Variants in DNAJC15 observed in about 807,000 individuals in gnomAD.
The protein encoded by DNAJC15 is DnaJ heat shock protein family (Hsp40) member C15, also known as dnaJ homolog subfamily C member 15.
DNAJC15 carries 27 observed loss-of-function variants against 22.4 expected under a neutral mutation model. The ratio of observed to expected loss-of-function variants is 1.20; its 90% confidence interval spans 0.89 to 1.66. The LOEUF (loss-of-function observed/expected upper bound fraction) is 1.66, where lower values mean the gene tolerates loss of function less well. Ranked by LOEUF, DNAJC15 falls within the 40% of genes most tolerant of loss-of-function variation. The probability of loss-of-function intolerance (pLI) is 0.00; values close to 1 mark genes in which losing one functional copy is unlikely to be tolerated. For synonymous variants in DNAJC15, 79 were observed against 63.2 expected (o/e 1.25, Z -1.19); for missense variants, 208 against 187.1 (o/e 1.11, Z -0.65).
At chr13:43,033,206 A>C (rs2040411889) in intron 1 of DNAJC15, among the ~76,000 whole-genome samples, 1 of 152,244 alleles carries the variant, frequency 6.6e-6, no homozygotes, top group Non-Finnish European at 1.5e-5. Context: ...GCTGAGGGAC[A>C]CAGATCTGAA....
At chr13:43,066,346 GCCTTCA>G (rs2040584019) in intron 2 of DNAJC15, among the ~76,000 whole-genome samples, 2 of 151,630 alleles carry the variant, frequency 1.3e-5, no homozygotes, top group Non-Finnish European at 2.9e-5. Flanking sequence ...TACAGAGTTT[GCCTTCA>G]TCCTTGGCTC....
At position 43,036,913 on chromosome 13, in the gene DNAJC15, G is replaced by A. The variant is rs367887632; in HGVS notation, c.108+13179G>A. Among the ~76,000 whole-genome samples, 80 of 152,366 alleles carry A rather than the reference G, an allele frequency of 5.3e-4. 1 individual carries two copies. In the South Asian group the frequency reaches 0.011, roughly 22 times the overall value. ...CACCCTGGAGTGGATGCCGTGAGTCGGGAGAGGCCAGGCAGTGGGAGCAGG... is the reference window on the plus strand; with the variant it reads ...CACCCTGGAGTGGATGCCGTGAGTCAGGAGAGGCCAGGCAGTGGGAGCAGG... On this transcript the variant is annotated intron_variant, in intron 1 of 5. Transcript: ENST00000379221.
rs9594889 is a variant in DNAJC15, at chr13:43,107,148, A to G, written c.383-30A>G. 2,066 of 1,529,582 alleles carry G rather than the reference A, an allele frequency of 1.4e-3. 16 individuals are homozygous for G. The African/African-American group carries it at 0.025, about 19-fold the overall frequency. 94.8% of individuals were successfully genotyped at this position (1,529,582 alleles called of 1,614,324 possible). On this transcript the variant is annotated intron_variant, in intron 5 of 5. Transcript: ENST00000379221. ...TTAAAGTATGTCAATGATGAAATGT[A>G]TTTTAATTCATTTTTCTTTGTTCTC...
chr13:43,105,073 A>G (rs1308633839), intron 5 of DNAJC15, among the ~76,000 whole-genome samples: 1 of 151,580 alleles, frequency 6.6e-6, no homozygotes, highest in Non-Finnish European at 1.5e-5. Flanking sequence ...ACTAGATATT[A>G]TAACCAGGAG....
Position 43,052,676 on chromosome 13 carries a change from C to G in DNAJC15, c.109-13010C>G, listed in dbSNP as rs369276016. Among the ~76,000 whole-genome samples, 5 of 152,234 alleles carry G rather than the reference C, an allele frequency of 3.3e-5. No homozygotes were observed. In the East Asian group the frequency reaches 9.7e-4, roughly 29 times the overall value. On this transcript the variant is annotated intron_variant, in intron 1 of 5. Coordinates refer to ENST00000379221, the MANE Select transcript of DNAJC15 (RefSeq NM_013238.3). ...AGGTGATCCACCTGCCTTGGCCTCC[C>G]AAAAGTGCTGGATTACAGGCATGAG...
intron 1 of DNAJC15, among the ~76,000 whole-genome samples, chr13:43,025,006 G>A (rs887602425): frequency 2.6e-5 from 4 of 151,688 alleles, no homozygotes; most frequent in Non-Finnish European, 4.4e-5. Flanking sequence ...GTTATAGTGA[G>A]CTATGATTTC....
Position 43,035,162 on chromosome 13 carries a change from T to A in DNAJC15, c.108+11428T>A, listed in dbSNP as rs183020372. On this transcript the variant is annotated intron_variant, in intron 1 of 5. Coordinates refer to ENST00000379221, the MANE Select transcript of DNAJC15 (RefSeq NM_013238.3). The stretch of plus-strand genomic sequence containing the variant: ...GAAGCTTCAGTAAAGCGCTTTTGTG[T>A]TTGTTTAGTTTGGGCTTTATTTTTG... Among the ~76,000 whole-genome samples the A allele has an allele frequency of 2.9e-4, 44 of 152,276 alleles. No homozygotes were observed. In the East Asian group the frequency reaches 6.9e-3, roughly 24 times the overall value.
intron 5 of DNAJC15, among the ~76,000 whole-genome samples, chr13:43,103,392 A>G (rs1476139404): frequency 3.3e-5 from 5 of 152,234 alleles, no homozygotes; most frequent in African/African-American, 1.2e-4. Flanking sequence ...ACAGGGGTAC[A>G]CTGTTATTTC....
chr13:43,097,382 A>G (rs1265043881), intron 5 of DNAJC15, among the ~76,000 whole-genome samples: 37 of 152,220 alleles, frequency 2.4e-4, no homozygotes, highest in Non-Finnish European at 5.9e-5. Flanking sequence ...GGAGAGTGGT[A>G]GGAAATACAA....
chr13:43,042,784 A>G (rs1240277619), intron 1 of DNAJC15, among the ~76,000 whole-genome samples: 6 of 152,236 alleles, frequency 3.9e-5, no homozygotes, highest in African/African-American at 1.4e-4. Context: ...ATTGGTCCAT[A>G]TAGATTGGCC....
chr13:43,070,843 T>C (rs1266917564), intron 3 of DNAJC15, among the ~76,000 whole-genome samples: 3 of 145,774 alleles, frequency 2.1e-5, no homozygotes, highest in African/African-American at 7.7e-5. Context: ...CAATGTGATT[T>C]GTATTTTAAG....
In DNAJC15 at chr13:43,112,356, C is replaced by CA. The variant is rs2040828820; in HGVS notation, c.*5110dup. On this transcript the variant is annotated 3_prime_UTR_variant, in exon 6 of 6. Coordinates refer to ENST00000379221, the MANE Select transcript of DNAJC15 (RefSeq NM_013238.3). Reference sequence around the variant, plus strand: ...TATTACATAGATGTAGAGAAATACTCAATCTTCAGCATTAAGAGGGAGCTT... The same window carrying CA: ...TATTACATAGATGTAGAGAAATACTCAAATCTTCAGCATTAAGAGGGAGCTT... 6.6e-6 allele frequency: 1 copy of CA among 152,148 alleles called. No individual in the cohort carries two copies. Among genetic ancestry groups the CA allele is most frequent in the South Asian group, 2.1e-4 (1 of 4,830 alleles). 9.4% of individuals were successfully genotyped at this position (152,148 alleles called of 1,614,324 possible). A position where few individuals can be genotyped will look rare whatever the true frequency, so the allele number is the denominator to read the frequency against.
At chr13:43,087,456 G>T (rs1454854807) in intron 5 of DNAJC15, among the ~76,000 whole-genome samples, 1 of 152,144 alleles carries the variant, frequency 6.6e-6, no homozygotes, top group Non-Finnish European at 1.5e-5. Context: ...GTTTTCAATG[G>T]GAAGCTAACA....
chr13:43,086,011 A>G lies in DNAJC15; in HGVS notation c.382+173A>G, dbSNP rs116995864. ...TTGGAGTTCAGTGATTCACACAAGT[A>G]GTGGATTTATATTATCTGCTTTCAA... is the stretch of plus-strand genomic sequence containing the variant. On this transcript the variant is annotated intron_variant, in intron 5 of 5. Transcript: ENST00000379221. Among the ~76,000 whole-genome samples, 605 of 152,332 alleles carry G rather than the reference A, an allele frequency of 4.0e-3. 20 individuals carry two copies. In the East Asian group the frequency reaches 0.043, roughly 11 times the overall value.
At chr13:43,078,776 C>G (rs1009602769) in intron 4 of DNAJC15, 88 bp downstream of exon 4, 1 of 1,166,338 alleles carries the variant, frequency 8.6e-7, no homozygotes, top group East Asian at 2.6e-5. Flanking sequence ...TATACTTAGA[C>G]TTAAAATTAT....
intron 1 of DNAJC15, among the ~76,000 whole-genome samples, chr13:43,041,577 T>C (rs539647473): frequency 6.6e-6 from 1 of 152,352 alleles, no homozygotes; most frequent in South Asian, 2.1e-4. Flanking sequence ...TAGATTGCAG[T>C]AACAGTGAGG....
At chr13:43,084,363 G>T (rs564236052) in intron 4 of DNAJC15, among the ~76,000 whole-genome samples, 1 of 152,192 alleles carries the variant, frequency 6.6e-6, no homozygotes, top group Non-Finnish European at 1.5e-5. Context: ...AAACCTGGGG[G>T]TAGGTTTTAT....
At position 43,047,017 on chromosome 13, in the gene DNAJC15, C is replaced by T. The variant is rs534913978; in HGVS notation, c.109-18669C>T. On this transcript the variant is annotated intron_variant, in intron 1 of 5. Transcript: ENST00000379221. Reference sequence around the variant, plus strand: ...CTTCTAATAGCTATAATACTCACCACATGGCCCAAGGTTCAATTTCTTGGA... The same window carrying T: ...CTTCTAATAGCTATAATACTCACCATATGGCCCAAGGTTCAATTTCTTGGA... Among the ~76,000 whole-genome samples, 11 of 152,304 alleles carry T rather than the reference C, an allele frequency of 7.2e-5. No individual in the cohort carries two copies. In the South Asian group the frequency reaches 1.0e-3, roughly 14 times the overall value.
intron 5 of DNAJC15, among the ~76,000 whole-genome samples, chr13:43,088,659 G>T (rs1317396443): frequency 6.6e-6 from 1 of 152,038 alleles, no homozygotes; most frequent in Non-Finnish European, 1.5e-5. Context: ...CTGTTGAATG[G>T]ATTTTCTCTA....
Sources: gnomAD v4.1 joint callset for allele counts (sites outside exome capture counted in the v4.1 genomes callset) on GRCh38, gnomAD v4.1.1 for gene constraint, MANE v1.5 for transcripts, NCBI Gene and HGNC (gene_info 2026-07-23, HGNC 2026-07-21) for gene names.